LRRTM4: variants seen among roughly 807,000 people sequenced by gnomAD.
The protein encoded by LRRTM4 is leucine-rich repeat transmembrane neuronal protein 4.
In LRRTM4, 25 loss-of-function variants were observed where a neutral mutation model predicts 47.6. The observed-to-expected ratio is 0.53, with a 90% CI of 0.38 to 0.73. LRRTM4 has a LOEUF of 0.73. Among genes scored for constraint, LRRTM4 ranks in the 30% least tolerant of loss-of-function variants. The pLI, the probability that LRRTM4 is intolerant of heterozygous loss-of-function variation, is 0.00. For missense variants in LRRTM4, 638 were observed against 713.4 expected, an observed-to-expected ratio of 0.89 and a Z score of 1.20; for synonymous variants, 311 against 269.5, an observed-to-expected ratio of 1.15 and a Z score of -1.51.
intron 3 of LRRTM4, chr2:77,517,009 G>C (rs1428831502): frequency 8.1e-6 from 8 of 984,572 alleles, no homozygotes; most frequent in Non-Finnish European, 8.4e-6. Flanking sequence ...TTGAAAGAGT[G>C]ATCATCTAAA....
chr2:76,863,391 C>A (rs1180229819), intron 3 of LRRTM4, among the ~76,000 whole-genome samples: 3 of 152,076 alleles, frequency 2.0e-5, no homozygotes, highest in African/African-American at 7.2e-5. Flanking sequence ...GTAATACAGC[C>A]TTTTAGTGCT....
At chr2:76,804,898 A>C (rs1348041883) in intron 3 of LRRTM4, among the ~76,000 whole-genome samples, 3 of 151,846 alleles carry the variant, frequency 2.0e-5, no homozygotes, top group African/African-American at 7.2e-5. Context: ...ATTTAGGTGA[A>C]TATAGAAAAT....
Position 77,399,167 on chromosome 2 carries a change from C to T in LRRTM4, c.1551+119151G>A, listed in dbSNP as rs74715771. On this transcript the variant is annotated intron_variant, in intron 3 of 3. Coordinates refer to ENST00000409884, the MANE Select transcript of LRRTM4 (RefSeq NM_001134745.3). ...ATAGGGGTCCAGAACAACAGCAGGGCTTTTTTTTTTTTTAATTTTAAAAAA... is the reference window on the plus strand; with the variant it reads ...ATAGGGGTCCAGAACAACAGCAGGGTTTTTTTTTTTTTTAATTTTAAAAAA... Among the ~76,000 whole-genome samples the T allele has an allele frequency of 2.5e-3, 337 of 136,694 alleles. 2 individuals are homozygous for T. The highest frequency in any genetic ancestry group is 8.6e-3 in the African/African-American group (323 of 37,614). The allele number at this position is 136,694 out of a possible 152,430, so 89.7% of individuals were successfully genotyped here.
chr2:77,492,156 A>G (rs79335806), intron 3 of LRRTM4, among the ~76,000 whole-genome samples: 1,711 of 152,314 alleles, frequency 0.011, 13 homozygotes, highest in South Asian at 0.024. Flanking sequence ...ATTAAAAAGT[A>G]TGCAAAGAAT....
intron 3 of LRRTM4, among the ~76,000 whole-genome samples, chr2:77,222,594 G>A (rs11126596): frequency 2.0e-5 from 3 of 151,988 alleles, no homozygotes; most frequent in Non-Finnish European, 4.4e-5. Context: ...CAGGAATAAA[G>A]TAGAAAATCT....
At chr2:76,988,536 C>T (rs1279883851) in intron 3 of LRRTM4, among the ~76,000 whole-genome samples, 1 of 151,804 alleles carries the variant, frequency 6.6e-6, no homozygotes, top group African/African-American at 2.4e-5. Flanking sequence ...GCTGCAATTA[C>T]TGAAATCGTG....
chr2:77,485,941 T>C (rs1165347216), intron 3 of LRRTM4, among the ~76,000 whole-genome samples: 1 of 151,840 alleles, frequency 6.6e-6, no homozygotes, highest in Non-Finnish European at 1.5e-5. Flanking sequence ...TTTCACCATG[T>C]TTGCCCAGGC....
intron 3 of LRRTM4, among the ~76,000 whole-genome samples, chr2:77,061,327 A>C (rs1464471084): frequency 6.6e-6 from 1 of 152,198 alleles, no homozygotes; most frequent in Non-Finnish European, 1.5e-5. Flanking sequence ...TAGGGTTTTA[A>C]GGCTGCTCTC....
intron 3 of LRRTM4, among the ~76,000 whole-genome samples, chr2:76,815,296 C>A (rs1670867540): frequency 6.6e-6 from 1 of 151,964 alleles, no homozygotes; most frequent in African/African-American, 2.4e-5. Context: ...AAAGAGGTTA[C>A]TTTGGTTAAC....
At chr2:76,778,956 T>A (rs1674190681) in intron 3 of LRRTM4, among the ~76,000 whole-genome samples, 1 of 150,866 alleles carries the variant, frequency 6.6e-6, no homozygotes, top group South Asian at 2.1e-4. Context: ...TTCTGGTATG[T>A]TGTGTCTTTG....
chr2:77,235,434 T>C (rs564116323), intron 3 of LRRTM4, among the ~76,000 whole-genome samples: 2 of 152,210 alleles, frequency 1.3e-5, no homozygotes, highest in South Asian at 4.1e-4. Flanking sequence ...GAATCAAGAT[T>C]CTTTTTTGAT....
chr2:76,930,784 T>C (rs965386427), intron 3 of LRRTM4, among the ~76,000 whole-genome samples: 3 of 152,154 alleles, frequency 2.0e-5, no homozygotes, highest in Admixed American at 1.3e-4. Flanking sequence ...AAAATAATGA[T>C]AAATGGTTAT....
intron 3 of LRRTM4, among the ~76,000 whole-genome samples, chr2:77,446,622 A>G (rs1676064402): frequency 6.6e-6 from 1 of 152,056 alleles, no homozygotes; most frequent in Non-Finnish European, 1.5e-5. Flanking sequence ...CTTCTTTAAG[A>G]TCGAACATCA....
chr2:77,207,573 C>A (rs1055086597), intron 3 of LRRTM4, among the ~76,000 whole-genome samples: 3 of 151,442 alleles, frequency 2.0e-5, no homozygotes, highest in African/African-American at 7.3e-5. Flanking sequence ...AGCATTTGGC[C>A]ATTTGTTATA....
chr2:77,366,698 G>C (rs72809191), intron 3 of LRRTM4, among the ~76,000 whole-genome samples: 10 of 151,862 alleles, frequency 6.6e-5, no homozygotes, highest in Middle Eastern at 3.4e-3. Context: ...CATCCATGCA[G>C]TTAGACACAG....
At chr2:76,781,438 T>C (rs1400277853) in intron 3 of LRRTM4, among the ~76,000 whole-genome samples, 1 of 152,230 alleles carries the variant, frequency 6.6e-6, no homozygotes, top group Non-Finnish European at 1.5e-5. Flanking sequence ...GAGCCAGGTG[T>C]GGCATATAAT....
chr2:76,964,224 T>A (rs1336655802), intron 3 of LRRTM4, among the ~76,000 whole-genome samples: 2 of 150,768 alleles, frequency 1.3e-5, no homozygotes, highest in African/African-American at 4.9e-5. Flanking sequence ...TATGTGTTGT[T>A]TGGAGAATAC....
intron 3 of LRRTM4, among the ~76,000 whole-genome samples, chr2:76,948,609 C>A (rs1220305463): frequency 2.0e-5 from 3 of 151,700 alleles, no homozygotes; most frequent in Non-Finnish European, 4.4e-5. Context: ...TCTTATACAT[C>A]TAAACCACCA....
intron 3 of LRRTM4, among the ~76,000 whole-genome samples, chr2:76,757,742 A>T (rs1196366569): frequency 1.3e-5 from 2 of 152,158 alleles, no homozygotes; most frequent in Non-Finnish European, 2.9e-5. Context: ...TTGTGAAAAA[A>T]ATAATTGTAG....
Sources: allele counts gnomAD v4.1 joint callset (sites outside exome capture counted in the v4.1 genomes callset), GRCh38; gene constraint gnomAD v4.1.1; transcripts MANE v1.5; gene names NCBI Gene and HGNC (gene_info 2026-07-23, HGNC 2026-07-21).